CNNM1: variants seen among roughly 807,000 people sequenced by gnomAD.
The protein encoded by CNNM1 is cyclin and CBS domain divalent metal cation transport mediator 1, also known as metal transporter CNNM1.
In CNNM1, 44 loss-of-function variants were observed where a neutral mutation model predicts 78.8. The observed-to-expected ratio is 0.56, with a 90% CI of 0.44 to 0.72. CNNM1 has a LOEUF of 0.72. CNNM1 is among the 30% of genes least tolerant of loss of function. CNNM1 has a pLI of 0.00. For synonymous variants in CNNM1, 584 were observed against 581.5 expected, an observed-to-expected ratio of 1.00 and a Z score of -0.06; for missense variants, 1,101 against 1,292.2, an observed-to-expected ratio of 0.85 and a Z score of 2.27.
chr10:99,383,375 G>A (rs1229916760), intron 7 of CNNM1, among the ~76,000 whole-genome samples: 1 of 152,118 alleles, frequency 6.6e-6, no homozygotes, highest in East Asian at 1.9e-4. Context: ...CTGAGTTCAA[G>A]CGATTCTCCT....
intron 4 of CNNM1, 109 bp downstream of exon 4, chr10:99,362,505 T>C (rs2031473699): frequency 8.4e-7 from 1 of 1,184,424 alleles, no homozygotes; most frequent in South Asian, 1.6e-5. Flanking sequence ...GCTGGCTGCC[T>C]CAGCAACAAG....
In CNNM1 at chr10:99,330,671, T is replaced by C. The variant is rs2862600; in HGVS notation, c.1284T>C (p.Val428=). 3.1e-6 allele frequency: 5 copies of C among 1,613,892 alleles called. No individual in the cohort carries two copies. In the South Asian group the frequency reaches 5.5e-5, roughly 18 times the overall value. ...GTGCCCTGGAGCTGCGCACCAAAGTTGTGGAGGAGGTGCTGACCCCCCTGG... is the reference window on the plus strand; with the variant it reads ...GTGCCCTGGAGCTGCGCACCAAAGTCGTGGAGGAGGTGCTGACCCCCCTGG... ...IQGALELRTK[V]VEEVLTPLGD... is the part of the protein sequence containing the mutation. The change falls in exon 1 of 11, where the codon GTT becomes GTC. Residue 428 remains valine (V), a synonymous_variant. Transcript: ENST00000356713.
rs201172459 is a variant in CNNM1, at chr10:99,330,975, A to C, written c.1573+15A>C. 2 of 1,595,174 alleles carry C rather than the reference A, an allele frequency of 1.3e-6. No homozygotes were observed. The highest frequency in any genetic ancestry group is 1.3e-5 in the African/African-American group (1 of 74,774). Reference sequence around the variant, plus strand: ...GTTTAAGAAGGGTGAGCAGTAGTCTATCTTCTCCCCCAACTCCTATCCCCT... The same window carrying C: ...GTTTAAGAAGGGTGAGCAGTAGTCTCTCTTCTCCCCCAACTCCTATCCCCT... On this transcript the variant is annotated intron_variant, in intron 1 of 10. Transcript: ENST00000356713.
chr10:99,359,929 A>C (rs1320334421), intron 2 of CNNM1, among the ~76,000 whole-genome samples: 2 of 151,890 alleles, frequency 1.3e-5, no homozygotes, highest in Non-Finnish European at 2.9e-5. Context: ...CTACCAAAAA[A>C]AAAAAAACAA....
rs1206270302 is a variant in CNNM1, at chr10:99,392,061, G to C, written c.*545G>C. 1 of 153,506 alleles carries C rather than the reference G, an allele frequency of 6.5e-6. No individual in the cohort carries two copies. The highest frequency in any genetic ancestry group is 2.0e-4 in the South Asian group (1 of 4,904). 9.5% of individuals were successfully genotyped at this position (153,506 alleles called of 1,614,324 possible). On this transcript the variant is annotated 3_prime_UTR_variant, in exon 11 of 11. Coordinates refer to ENST00000356713, the MANE Select transcript of CNNM1 (RefSeq NM_020348.3). The stretch of plus-strand genomic sequence containing the variant: ...TTTCCCCCAGAGCTTTAAAGAAGTG[G>C]GACTCAGCCATGTTGGCGCGTGATT...
chr10:99,347,803 T>G (rs1025997507), intron 1 of CNNM1, among the ~76,000 whole-genome samples: 1 of 152,054 alleles, frequency 6.6e-6, no homozygotes, highest in Non-Finnish European at 1.5e-5. Flanking sequence ...TCCCAATGCA[T>G]GACCTTTACA....
chr10:99,342,979 T>G (rs2030521145), intron 1 of CNNM1, among the ~76,000 whole-genome samples: 1 of 152,170 alleles, frequency 6.6e-6, no homozygotes, highest in Non-Finnish European at 1.5e-5. Flanking sequence ...TCTTTCTTTT[T>G]TTTGAGATGG....
intron 1 of CNNM1, among the ~76,000 whole-genome samples, chr10:99,334,505 T>C (rs2030075101): frequency 6.6e-6 from 1 of 152,012 alleles, no homozygotes; most frequent in Non-Finnish European, 1.5e-5. Context: ...ATACAAAAAT[T>C]AGCCAGGTGT....
intron 1 of CNNM1, among the ~76,000 whole-genome samples, chr10:99,331,272 C>T (rs2134008926): frequency 1.3e-5 from 2 of 152,252 alleles, no homozygotes; most frequent in South Asian, 4.2e-4. Flanking sequence ...GGGAGATAGC[C>T]CTTGAAGGTC....
chr10:99,381,125 A>AT (rs1212229106), intron 7 of CNNM1, among the ~76,000 whole-genome samples: 2 of 152,138 alleles, frequency 1.3e-5, no homozygotes, highest in African/African-American at 4.8e-5. Context: ...ATTAAGTGTT[A>AT]TTCAACCAGG....
chr10:99,337,232 C>T (rs1292349435), intron 1 of CNNM1, among the ~76,000 whole-genome samples: 13 of 152,164 alleles, frequency 8.5e-5, no homozygotes, highest in Admixed American at 2.0e-4. Flanking sequence ...CCCTCAAATT[C>T]GTTCTCTCTA....
At chr10:99,384,152 AG>A in intron 7 of CNNM1, among the ~76,000 whole-genome samples, 1 of 152,350 alleles carries the variant, frequency 6.6e-6, no homozygotes, top group Middle Eastern at 3.4e-3. Context: ...TCTCTTCAAC[AG>A]TATTACGCTA....
chr10:99,355,422 A>C (rs1307903449), intron 1 of CNNM1, among the ~76,000 whole-genome samples: 1 of 152,222 alleles, frequency 6.6e-6, no homozygotes, highest in Non-Finnish European at 1.5e-5. Flanking sequence ...CTTAAAGTAT[A>C]ATAAAAAAAG....
At chr10:99,381,919 C>G (rs1421977905) in intron 7 of CNNM1, among the ~76,000 whole-genome samples, 4 of 151,108 alleles carry the variant, frequency 2.6e-5, no homozygotes, top group Non-Finnish European at 5.9e-5. Context: ...TGAAAATTAC[C>G]TCCTCCTGAT....
intron 6 of CNNM1, among the ~76,000 whole-genome samples, chr10:99,365,397 C>A (rs2031581221): frequency 6.6e-6 from 1 of 152,208 alleles, no homozygotes; most frequent in Non-Finnish European, 1.5e-5. Context: ...ATTATTGTGT[C>A]TGTGGGGTTT....
intron 8 of CNNM1, 73 bp from the exon 9 acceptor site, chr10:99,388,079 C>A: frequency 6.3e-7 from 1 of 1,596,466 alleles, no homozygotes; most frequent in Middle Eastern, 1.7e-4. Context: ...TCTAGCCCTT[C>A]CCAGGGCTCA....
intron 1 of CNNM1, among the ~76,000 whole-genome samples, chr10:99,350,180 T>C (rs767076893): frequency 1.3e-5 from 2 of 151,952 alleles, no homozygotes; most frequent in Non-Finnish European, 2.9e-5. Context: ...AAGACCAAGG[T>C]AAGAAAGAGG....
chr10:99,376,670 G>A lies in CNNM1; in HGVS notation c.2177-385G>A, dbSNP rs539968053. 9.9e-5 allele frequency among the ~76,000 whole-genome samples: 15 copies of A among 152,282 alleles called. No individual in the cohort carries two copies. In the South Asian group the frequency reaches 1.0e-3, roughly 11 times the overall value. On this transcript the variant is annotated intron_variant, in intron 6 of 10. Coordinates refer to ENST00000356713, the MANE Select transcript of CNNM1 (RefSeq NM_020348.3). ...ATGCTTGTAGTACTGCCCTCATCTC[G>A]TTCGGGGTCCTTGTGCACCTAACCT...
intron 1 of CNNM1, among the ~76,000 whole-genome samples, chr10:99,340,912 G>GCCTGCCTGCCTGCC (rs2030430827): frequency 1.3e-5 from 2 of 150,624 alleles, no homozygotes; most frequent in African/African-American, 2.4e-5. Flanking sequence ...CTGCCTGCCT[G>GCCTGCCTGCCTGCC]TATTGAATGG....
Sources: gnomAD v4.1 joint callset for allele counts (sites outside exome capture counted in the v4.1 genomes callset) on GRCh38, gnomAD v4.1.1 for gene constraint, MANE v1.5 for transcripts, NCBI Gene and HGNC (gene_info 2026-07-23, HGNC 2026-07-21) for gene names.